The following C11orf65 variants were observed in gnomAD, a reference collection of about 807,000 sequenced individuals.
The protein encoded by C11orf65 is chromosome 11 open reading frame 65.
In C11orf65, 38 loss-of-function variants were observed where a neutral mutation model predicts 35.3. The ratio of observed to expected loss-of-function variants is 1.08; its 90% CI spans 0.83 to 1.41. The LOEUF (loss-of-function observed/expected upper bound fraction) is 1.41. C11orf65 is among the 40% of genes most tolerant of loss of function. The pLI, the probability that C11orf65 is intolerant of heterozygous loss-of-function variation, is 0.00. For synonymous variants in C11orf65, 105 were observed against 114.4 expected, an observed-to-expected ratio of 0.92 and a Z score of 0.53; for missense variants, 370 against 367.1, an observed-to-expected ratio of 1.01 and a Z score of -0.06.
At chr11:108,404,138 T>G (rs1405171565) in intron 6 of C11orf65, among the ~76,000 whole-genome samples, 1 of 152,152 alleles carries the variant, frequency 6.6e-6, no homozygotes, top group Non-Finnish European at 1.5e-5. Flanking sequence ...CATCTATAGA[T>G]CTATACTTCT....
At chr11:108,397,287 C>T (rs2092335721) in intron 6 of C11orf65, among the ~76,000 whole-genome samples, 1 of 150,584 alleles carries the variant, frequency 6.6e-6, no homozygotes. Context: ...CCAATGTACT[C>T]CAGCCTGGGC....
chr11:108,435,521 T>C (rs2093048393), intron 2 of C11orf65, among the ~76,000 whole-genome samples: 1 of 152,178 alleles, frequency 6.6e-6, no homozygotes, highest in South Asian at 2.1e-4. Context: ...GGCAGAATTG[T>C]TAAAGGTCTA....
chr11:108,387,903 C>G (rs2092050861), intron 7 of C11orf65, among the ~76,000 whole-genome samples: 1 of 152,208 alleles, frequency 6.6e-6, no homozygotes, highest in Non-Finnish European at 1.5e-5. Context: ...CCCCTTGGTG[C>G]TCTGCGAACT....
At chr11:108,434,873 A>G (rs1379232136) in intron 2 of C11orf65, among the ~76,000 whole-genome samples, 1 of 152,220 alleles carries the variant, frequency 6.6e-6, no homozygotes, top group Admixed American at 6.5e-5. Flanking sequence ...CAACAAGTGT[A>G]GCACACCAAT....
intron 2 of C11orf65, among the ~76,000 whole-genome samples, chr11:108,342,368 CAT>C (rs768641698): frequency 2.0e-5 from 3 of 152,192 alleles, no homozygotes; most frequent in Middle Eastern, 3.4e-3. Flanking sequence ...AATATGCTCA[CAT>C]AGTTAGGATA....
At chr11:108,310,978 G>A (rs981765263) in intron 6 of C11orf65, among the ~76,000 whole-genome samples, 55 of 152,178 alleles carry the variant, frequency 3.6e-4, no homozygotes, top group Admixed American at 2.7e-3. Flanking sequence ...ATGTTTGTTC[G>A]TTTGAAATGG....
Position 108,405,545 on chromosome 11 carries a change from A to C in C11orf65, c.444T>G (p.Thr148=). The C allele has an allele frequency of 6.2e-7, 1 of 1,613,062 alleles. No individual in the cohort carries two copies. The highest frequency in any genetic ancestry group is 8.5e-7 in the Non-Finnish European group (1 of 1,179,708). The change falls in exon 6 of 9, where the codon ACT becomes ACG. Residue 148 remains threonine, a synonymous_variant. Transcript: ENST00000393084. Reference sequence around the variant, plus strand: ...TTTTGTCTTCCACCACCATACCATCAGTAGATAGCCAAAACTATTGAGAAA... The same window carrying C: ...TTTTGTCTTCCACCACCATACCATCCGTAGATAGCCAAAACTATTGAGAAA... ...RPVSDTFWLS[T]DGMVVEDKKE...
chr11:108,350,612 G>A (rs1052119916), intron 2 of C11orf65, among the ~76,000 whole-genome samples: 1 of 152,184 alleles, frequency 6.6e-6, no homozygotes, highest in Non-Finnish European at 1.5e-5. Flanking sequence ...GGAAGATTGT[G>A]AGCTAGGTCC....
chr11:108,464,680 C>G (rs192541417), intron 1 of C11orf65, among the ~76,000 whole-genome samples: 3 of 152,074 alleles, frequency 2.0e-5, no homozygotes, highest in Non-Finnish European at 4.4e-5. Flanking sequence ...TTTGAATTGA[C>G]TCTCTCTGGA....
intron 2 of C11orf65, chr11:108,335,428 G>A (rs1403536164): frequency 1.7e-6 from 1 of 585,592 alleles, no homozygotes; most frequent in African/African-American, 1.9e-5. Flanking sequence ...AATAGTGCAA[G>A]TTGACGTCCT....
chr11:108,316,158 C>T (rs1565500225), intron 6 of C11orf65: 1 of 1,517,820 alleles, frequency 6.6e-7, no homozygotes, highest in Non-Finnish European at 9.1e-7. Flanking sequence ...TAGTGTAGTG[C>T]TGAGGTTATT....
chr11:108,329,407 TTTTTTG>T, downstream of C11orf65: 1 of 662,616 alleles, frequency 1.5e-6, no homozygotes, highest in Non-Finnish European at 2.5e-6. Flanking sequence ...TCGGTTTTTG[TTTTTTG>T]TTTTTTTTTT....
At chr11:108,430,772 G>C (rs1451050788) in intron 3 of C11orf65, among the ~76,000 whole-genome samples, 2 of 151,956 alleles carry the variant, frequency 1.3e-5, no homozygotes, top group East Asian at 1.9e-4. Context: ...TTGAGTCCAG[G>C]AGGTTAACGC....
intron 3 of C11orf65, among the ~76,000 whole-genome samples, chr11:108,409,716 CAGG>C (rs1373251812): frequency 6.6e-6 from 1 of 152,098 alleles, no homozygotes; most frequent in Non-Finnish European, 1.5e-5. Flanking sequence ...AGGTGAGCGG[CAGG>C]AGCATTACTG....
chr11:108,445,691 T>G (rs1165811309), intron 2 of C11orf65, among the ~76,000 whole-genome samples: 1 of 151,778 alleles, frequency 6.6e-6, no homozygotes, highest in Non-Finnish European at 1.5e-5. Context: ...GCAGAAAAAC[T>G]GGAAACTCTA....
intron 1 of C11orf65, among the ~76,000 whole-genome samples, chr11:108,466,222 A>T (rs907097972): frequency 4.6e-5 from 7 of 152,300 alleles, no homozygotes; most frequent in African/African-American, 1.7e-4. Flanking sequence ...TATGGTTATT[A>T]TGATGCTCCA....
At chr11:108,390,887 T>C (rs934937892) in intron 7 of C11orf65, among the ~76,000 whole-genome samples, 1 of 152,214 alleles carries the variant, frequency 6.6e-6, no homozygotes, top group African/African-American at 2.4e-5. Context: ...TTTTAAAGCA[T>C]CTACTATGGA....
downstream of C11orf65, among the ~76,000 whole-genome samples, chr11:108,381,199 C>G (rs2138238342): frequency 6.6e-6 from 1 of 152,232 alleles, no homozygotes; most frequent in South Asian, 2.1e-4. Flanking sequence ...GTCCAAGAAC[C>G]AAGGGATGGA....
At chr11:108,438,615 T>C (rs940935404) in intron 2 of C11orf65, among the ~76,000 whole-genome samples, 1 of 150,582 alleles carries the variant, frequency 6.6e-6, no homozygotes, top group African/African-American at 2.4e-5. Context: ...GAAGAAAATA[T>C]GGGGGAAAAG....
Sources: allele counts gnomAD v4.1 joint callset (sites outside exome capture counted in the v4.1 genomes callset), GRCh38; gene constraint gnomAD v4.1.1; transcripts MANE v1.5; gene names NCBI Gene and HGNC (gene_info 2026-07-23, HGNC 2026-07-21).